The following ECSIT variants were observed in gnomAD, a reference collection of about 807,000 sequenced individuals.
ECSIT encodes evolutionarily conserved signaling intermediate in Toll pathway, mitochondrial.
In ECSIT, 29 loss-of-function variants were observed where a neutral mutation model predicts 36.8. The ratio of observed to expected loss-of-function variants is 0.79; its 90% CI spans 0.59 to 1.08. ECSIT has a LOEUF of 1.08. Ranked by LOEUF, ECSIT falls within the 50% of genes least tolerant of loss-of-function variation. The pLI, the probability that ECSIT is intolerant of heterozygous loss-of-function variation, is 0.00. For missense variants in ECSIT, 542 were observed against 581.0 expected, an observed-to-expected ratio of 0.93 and a Z score of 0.69; for synonymous variants, 231 against 234.8, an observed-to-expected ratio of 0.98 and a Z score of 0.15.
chr19:11,524,850 G>A (rs937870705), intron 1 of ECSIT, among the ~76,000 whole-genome samples: 2 of 151,834 alleles, frequency 1.3e-5, no homozygotes, highest in African/African-American at 4.8e-5. Context: ...AAAATAAAAA[G>A]CACTCTGGCC....
chr19:11,505,982 A>G lies in ECSIT; in HGVS notation c.*202T>C, dbSNP rs1971724964. On this transcript the variant is annotated 3_prime_UTR_variant, in exon 8 of 8. Transcript: ENST00000270517. Reference sequence around the variant, plus strand: ...TTTTTATTTGAATTCGGAGAACCAGAGGCGCCTGCAGATTCTGGAGGGGTC... The same window carrying G: ...TTTTTATTTGAATTCGGAGAACCAGGGGCGCCTGCAGATTCTGGAGGGGTC... The G allele has an allele frequency of 1.0e-6, 1 of 975,964 alleles. No individual in the cohort carries two copies. Among genetic ancestry groups the G allele is most frequent in the Admixed American group, 2.7e-5 (1 of 37,184 alleles). 60.5% of individuals were successfully genotyped at this position (975,964 alleles called of 1,614,324 possible).
intron 1 of ECSIT, among the ~76,000 whole-genome samples, chr19:11,527,919 T>C (rs929997175): frequency 6.6e-6 from 1 of 152,250 alleles, no homozygotes; most frequent in East Asian, 1.9e-4. Flanking sequence ...ACTTGAGCCA[T>C]GGAGTTTGAG....
At position 11,506,178 on chromosome 19, in the gene ECSIT, C is replaced by T. The variant is rs773715399; in HGVS notation, c.*6G>A. 2 of 1,603,574 alleles carry T rather than the reference C, an allele frequency of 1.2e-6. No homozygotes were observed. The highest frequency in any genetic ancestry group is 2.7e-5 in the African/African-American group (2 of 74,958). ...GCCACAGCCCGTGCCCTCGCGCCGG[C>T]TCAGACTAGCTCTGGCCCTGCTGCT... is the stretch of plus-strand genomic sequence containing the variant. On this transcript the variant is annotated 3_prime_UTR_variant, in exon 8 of 8. Transcript: ENST00000270517.
At chr19:11,508,382 G>GTTTTTTTTTTTTTTT (rs1418652426) in intron 4 of ECSIT, among the ~76,000 whole-genome samples, 4 of 115,814 alleles carry the variant, frequency 3.5e-5, no homozygotes, top group African/African-American at 1.8e-4. Flanking sequence ...ACTTAATTCC[G>GTTTTTTTTTTTTTTT]ATTTTTTTTT....
At chr19:11,524,648 GAAA>G in intron 1 of ECSIT, among the ~76,000 whole-genome samples, 1 of 129,098 alleles carries the variant, frequency 7.7e-6, no homozygotes, top group East Asian at 2.3e-4. Flanking sequence ...ACAGCAAAAA[GAAA>G]AAAAAAAAAG....
At chr19:11,524,813 G>C (rs1169037139) in intron 1 of ECSIT, among the ~76,000 whole-genome samples, 4 of 151,912 alleles carry the variant, frequency 2.6e-5, no homozygotes, top group Non-Finnish European at 4.4e-5. Context: ...GACAGAGTGA[G>C]ACCCTATCTC....
In ECSIT at chr19:11,514,093, C is replaced by T. The variant is rs1225221229; in HGVS notation, c.225G>A (p.Leu75=). ...GTTCCCCACCAGGCGCCTGCCCAAA[C>T]AGGTCCTCAAAGGGCACCAGAGCCT... The part of the protein sequence containing the change: ...PTKALVPFED[L]FGQAPGGERD... Residue 75 remains leucine, a synonymous_variant, in exon 3 of 8, where the codon CTG becomes CTA. Transcript: ENST00000270517. 2 of 1,614,184 alleles carry T rather than the reference C, an allele frequency of 1.2e-6. No individual in the cohort carries two copies.
chr19:11,526,742 CAG>C (rs1972223131), intron 1 of ECSIT, among the ~76,000 whole-genome samples: 1 of 136,086 alleles, frequency 7.3e-6, no homozygotes, highest in African/African-American at 2.9e-5. Flanking sequence ...TTTTTGGAGA[CAG>C]AGTCTCACTC....
At chr19:11,524,210 G>A (rs1972165781) in intron 1 of ECSIT, among the ~76,000 whole-genome samples, 1 of 151,608 alleles carries the variant, frequency 6.6e-6, no homozygotes, top group Non-Finnish European at 1.5e-5. Context: ...GTGAGCCACT[G>A]CACCTGGCTG....
Position 11,506,229 on chromosome 19 carries a change from C to G in ECSIT, c.1251G>C (p.Gln417His). The G allele has an allele frequency of 6.2e-7, 1 of 1,608,988 alleles. No homozygotes were observed. Among genetic ancestry groups the G allele is most frequent in the South Asian group, 1.1e-5 (1 of 91,082 alleles). ...GTCGCTGCAGGTTGTCGTCTTCTTC[C>G]TGGTGGTCCTCGGGCAGGGGCGGCT... ...LEEPPLPEDH[Q>H]EEDDNLQRQQ... is the part of the protein sequence containing the mutation. Residue 417 changes from glutamine (Q) to histidine (H), a missense_variant, in exon 8 of 8, where the codon CAG becomes CAC. By Grantham distance (24) the Gln-to-His change is conservative (BLOSUM62 0). Coordinates refer to ENST00000270517, the MANE Select transcript of ECSIT (RefSeq NM_016581.5).
intron 2 of ECSIT, among the ~76,000 whole-genome samples, chr19:11,518,504 AT>A (rs2144989582): frequency 6.6e-6 from 1 of 152,212 alleles, no homozygotes; most frequent in African/African-American, 2.4e-5. Context: ...TGGGAGGCTC[AT>A]TTGAGCCCAG....
Position 11,508,015 on chromosome 19 carries a change from C to G in ECSIT, c.772G>C (p.Asp258His). ...PLPKDSTGAA[D>H]PPQPHIVGIQ... ...CCTACGATGTGGGGCTGGGGGGGAT[C>G]TGCTGCACCTGTTGAGTCTTTGGGC... is the stretch of plus-strand genomic sequence containing the variant. The change falls in exon 5 of 8, where the codon GAT becomes CAT. Residue 258 changes from aspartate to histidine, a missense_variant. Asp to His is a moderately conservative substitution (Grantham distance 81, BLOSUM62 -1). Transcript: ENST00000270517. The G allele has an allele frequency of 6.2e-7, 1 of 1,614,168 alleles. No homozygotes were observed. The highest frequency in any genetic ancestry group is 8.5e-7 in the Non-Finnish European group (1 of 1,180,044).
chr19:11,508,193 C>T (rs1971797242), intron 4 of ECSIT, 145 bp from the exon 5 acceptor site: 2 of 949,752 alleles, frequency 2.1e-6, no homozygotes, highest in African/African-American at 1.6e-5. Flanking sequence ...GTCCCCTCCT[C>T]CCTCTGTCCC....
chr19:11,509,813 G>C (rs1971834320), intron 4 of ECSIT, among the ~76,000 whole-genome samples: 1 of 151,568 alleles, frequency 6.6e-6, no homozygotes, highest in African/African-American at 2.4e-5. Context: ...ACTTCTAGTT[G>C]TATTAAATGA....
chr19:11,515,868 G>C (rs1212368329), intron 2 of ECSIT, among the ~76,000 whole-genome samples: 3 of 152,096 alleles, frequency 2.0e-5, no homozygotes, highest in Non-Finnish European at 4.4e-5. Context: ...TCCTGACCTT[G>C]TGATCCGCCC....
intron 2 of ECSIT, among the ~76,000 whole-genome samples, chr19:11,516,684 T>TACACAC (rs142103677): frequency 0.035 from 5,207 of 148,306 alleles, 109 homozygotes; most frequent in Admixed American, 0.066. Context: ...TGTGTTTATC[T>TACACAC]ACACACACAC....
chr19:11,515,345 C>T lies in ECSIT; in HGVS notation c.97-1124G>A, dbSNP rs575981636. 1.5e-4 allele frequency among the ~76,000 whole-genome samples: 23 copies of T among 152,012 alleles called. No individual in the cohort carries two copies. In the East Asian group the frequency reaches 2.1e-3, roughly 14 times the overall value. On this transcript the variant is annotated intron_variant, in intron 2 of 7. Transcript: ENST00000270517. ...GTCTCGATCTCCTGACCTCGTGATCCGCCCGCCTTGGCCTCCCAAGTGCTG... is the reference window on the plus strand; with the variant it reads ...GTCTCGATCTCCTGACCTCGTGATCTGCCCGCCTTGGCCTCCCAAGTGCTG...
In ECSIT at chr19:11,515,134, C is replaced by T. The variant is rs1477728417; in HGVS notation, c.97-913G>A. 4.2e-5 allele frequency among the ~76,000 whole-genome samples: 6 copies of T among 143,062 alleles called. No homozygotes were observed. In the South Asian group the frequency reaches 8.7e-4, roughly 21 times the overall value. The allele number at this position is 143,062 out of a possible 152,430, so 93.9% of individuals were successfully genotyped here. A position where few individuals can be genotyped will look rare whatever the true frequency, so the allele number is the denominator to read the frequency against. Reference sequence around the variant, plus strand: ...TTTTTTTTTTTTTGAGACAGAGTCTCGCTTTGTCACCCAGGCTGGAGTGCA... The same window carrying T: ...TTTTTTTTTTTTTGAGACAGAGTCTTGCTTTGTCACCCAGGCTGGAGTGCA... On this transcript the variant is annotated intron_variant, in intron 2 of 7. Coordinates refer to ENST00000270517, the MANE Select transcript of ECSIT (RefSeq NM_016581.5).
intron 4 of ECSIT, among the ~76,000 whole-genome samples, chr19:11,509,134 T>C (rs796729363): frequency 3.3e-5 from 5 of 150,636 alleles, no homozygotes; most frequent in African/African-American, 9.8e-5. Context: ...GCAATGGGGC[T>C]TGATCTCAGC....
Sources: allele counts gnomAD v4.1 joint callset (sites outside exome capture counted in the v4.1 genomes callset), GRCh38; gene constraint gnomAD v4.1.1; transcripts MANE v1.5; gene names NCBI Gene and HGNC (gene_info 2026-07-23, HGNC 2026-07-21).